Variants in RIMBP2 observed in about 807,000 individuals in gnomAD.
RIMBP2 encodes the protein RIMS binding protein 2, also known as RIMS-binding protein 2.
In RIMBP2, 48 loss-of-function variants were observed where a neutral mutation model predicts 118.6. That is an observed-to-expected ratio of 0.40 (90% CI 0.32 to 0.51). RIMBP2 has a LOEUF of 0.51. RIMBP2 is among the 20% of genes least tolerant of loss of function. The pLI is 0.41. For missense variants in RIMBP2, 1,551 were observed against 1,768.3 expected (o/e 0.88, Z 2.20); for synonymous variants, 762 against 742.9 (o/e 1.03, Z -0.42).
chr12:130,424,285 G>A lies in RIMBP2; in HGVS notation c.2986C>T (p.Pro996Ser), dbSNP rs919026711. 1.6e-6 allele frequency: 2 copies of A among 1,231,836 alleles called. No homozygotes were observed. Among genetic ancestry groups the A allele is most frequent in the South Asian group, 4.1e-5 (1 of 24,320 alleles). 76.3% of individuals were successfully genotyped at this position (1,231,836 alleles called of 1,614,324 possible). A position where few individuals can be genotyped will look rare whatever the true frequency, so the allele number is the denominator to read the frequency against. ...CCCCAGCCGTGCTTCCTGGGGGGCGGCCTCTCCGGGCCGGGCTGGGGGTCG... is the reference window on the plus strand; with the variant it reads ...CCCCAGCCGTGCTTCCTGGGGGGCGACCTCTCCGGGCCGGGCTGGGGGTCG... ...NDDPQPGPER[P>S]PPRKHGWGEP... The change falls in exon 16 of 23, where the codon CCG becomes TCG. Residue 996 changes from proline to serine, a missense_variant. Pro to Ser is a moderately conservative substitution (Grantham distance 74). Coordinates refer to ENST00000690449, the MANE Select transcript of RIMBP2 (RefSeq NM_001393629.1). The surrounding 1 kb of genome is among the most constrained non-coding windows in gnomAD (Gnocchi z 9.8).
At chr12:130,686,683 G>C (rs935682614) in intron 1 of RIMBP2, among the ~76,000 whole-genome samples, 2 of 152,234 alleles carry the variant, frequency 1.3e-5, no homozygotes, top group Non-Finnish European at 2.9e-5. Context: ...TTTAGCACTC[G>C]GGCCTCCGCA....
At chr12:130,619,048 T>C (rs781174205) in intron 2 of RIMBP2, among the ~76,000 whole-genome samples, 1 of 152,246 alleles carries the variant, frequency 6.6e-6, no homozygotes, top group Non-Finnish European at 1.5e-5. Context: ...CCTTACTTTA[T>C]AGCAAGCAAC....
intron 2 of RIMBP2, among the ~76,000 whole-genome samples, chr12:130,579,377 C>G (rs916289232): frequency 6.6e-6 from 1 of 152,188 alleles, no homozygotes; most frequent in African/African-American, 2.4e-5. Context: ...TGGGCCCTGA[C>G]TCTCTGATGA....
intron 2 of RIMBP2, among the ~76,000 whole-genome samples, chr12:130,599,364 T>C (rs957842444): frequency 6.6e-6 from 1 of 152,196 alleles, no homozygotes; most frequent in African/African-American, 2.4e-5. Context: ...GCAACTAATA[T>C]ATCTGACAAG....
chr12:130,537,619 A>C (rs1043831135), intron 2 of RIMBP2, among the ~76,000 whole-genome samples: 1 of 152,228 alleles, frequency 6.6e-6, no homozygotes, highest in Non-Finnish European at 1.5e-5. Context: ...ATCCGGGTGC[A>C]TATTAGAAGG....
chr12:130,483,918 G>A (rs572095655), intron 4 of RIMBP2, among the ~76,000 whole-genome samples: 1 of 151,496 alleles, frequency 6.6e-6, no homozygotes, highest in African/African-American at 2.4e-5. Flanking sequence ...CACGGTGCCC[G>A]GAGCCCCTGT....
intron 1 of RIMBP2, among the ~76,000 whole-genome samples, chr12:130,681,055 G>A (rs1422329033): frequency 1.3e-5 from 2 of 152,220 alleles, no homozygotes; most frequent in Admixed American, 6.5e-5. Flanking sequence ...CACCAGAGGT[G>A]AGAGAGAAAT....
At chr12:130,506,560 C>T (rs1192102589) in intron 4 of RIMBP2, 88 bp downstream of exon 4, 2 of 926,148 alleles carry the variant, frequency 2.2e-6, no homozygotes, top group Non-Finnish European at 2.6e-6. Flanking sequence ...GCTTTACATA[C>T]CTTCTGCTCG....
intron 4 of RIMBP2, among the ~76,000 whole-genome samples, chr12:130,506,254 C>T (rs1343578532): frequency 2.6e-5 from 4 of 152,068 alleles, no homozygotes; most frequent in African/African-American, 9.7e-5. Flanking sequence ...TAGCTATCCT[C>T]TTTATAACAA....
intron 2 of RIMBP2, among the ~76,000 whole-genome samples, chr12:130,593,430 C>A (rs2059392650): frequency 6.6e-6 from 1 of 152,234 alleles, no homozygotes; most frequent in South Asian, 2.1e-4. Flanking sequence ...ATTGAGAGAC[C>A]AATCTTGTTA....
At chr12:130,656,382 A>T (rs144436418) in intron 1 of RIMBP2, among the ~76,000 whole-genome samples, 123 of 152,286 alleles carry the variant, frequency 8.1e-4, no homozygotes, top group African/African-American at 2.7e-3. Flanking sequence ...ACAGCGTCAT[A>T]CAGAGAGAAG....
At chr12:130,611,195 G>C (rs2060521120) in intron 2 of RIMBP2, among the ~76,000 whole-genome samples, 1 of 152,204 alleles carries the variant, frequency 6.6e-6, no homozygotes, top group Admixed American at 6.5e-5. Context: ...AACACCACAG[G>C]GACCGGGAAC....
intron 1 of RIMBP2, among the ~76,000 whole-genome samples, chr12:130,652,244 G>C (rs148829730): frequency 6.6e-6 from 1 of 152,214 alleles, no homozygotes; most frequent in African/African-American, 2.4e-5. Flanking sequence ...TTTTGTAAAT[G>C]AAGTTTTGTT....
chr12:130,642,604 C>G (rs1387370758), intron 1 of RIMBP2, among the ~76,000 whole-genome samples: 1 of 152,184 alleles, frequency 6.6e-6, no homozygotes, highest in Admixed American at 6.5e-5. Context: ...TCTTATAAGT[C>G]AGACTATCCG....
At chr12:130,472,896 C>A (rs980767613) in intron 5 of RIMBP2, among the ~76,000 whole-genome samples, 1 of 152,114 alleles carries the variant, frequency 6.6e-6, no homozygotes, top group Non-Finnish European at 1.5e-5. Flanking sequence ...TTCAGCTCAA[C>A]CGTCGAAGGC....
chr12:130,498,776 G>C (rs2049449782), intron 4 of RIMBP2, among the ~76,000 whole-genome samples: 2 of 152,138 alleles, frequency 1.3e-5, no homozygotes, highest in African/African-American at 4.8e-5. Context: ...GCCAGCCAAG[G>C]CTGCAGATGA....
rs146482246 is a variant in RIMBP2 at position 130,585,828 on chromosome 12, C to T, written c.-217+42494G>A. ...TGCCCTGGACTCTGCAGGGTTCTCTCACGTCTTGCCTGATTCCCACATTTC... is the reference window on the plus strand; with the variant it reads ...TGCCCTGGACTCTGCAGGGTTCTCTTACGTCTTGCCTGATTCCCACATTTC... On this transcript the variant is annotated intron_variant, in intron 2 of 22. Coordinates refer to ENST00000690449, the MANE Select transcript of RIMBP2 (RefSeq NM_001393629.1). 3.3e-5 allele frequency among the ~76,000 whole-genome samples: 5 copies of T among 152,296 alleles called. No homozygotes were observed. In the East Asian group the frequency reaches 9.7e-4, roughly 29 times the overall value.
intron 2 of RIMBP2, among the ~76,000 whole-genome samples, chr12:130,521,794 C>G (rs988071118): frequency 6.6e-6 from 1 of 152,222 alleles, no homozygotes; most frequent in Non-Finnish European, 1.5e-5. Flanking sequence ...ACCCAGCTTC[C>G]AGATATCTTC....
At chr12:130,404,952 A>T (rs1357370895) in intron 21 of RIMBP2, among the ~76,000 whole-genome samples, 4 of 152,160 alleles carry the variant, frequency 2.6e-5, no homozygotes, top group African/African-American at 9.7e-5. Context: ...TTAAAAAATG[A>T]TTTTTTTAAA....
Sources: gnomAD v4.1 joint callset for allele counts (sites outside exome capture counted in the v4.1 genomes callset) on GRCh38, gnomAD v4.1.1 for gene constraint, Gnocchi (gnomAD v3.1) non-coding constraint, MANE v1.5 for transcripts, NCBI Gene and HGNC (gene_info 2026-07-23, HGNC 2026-07-21) for gene names.